Variants in SEPTIN11 observed in about 807,000 individuals in gnomAD.
SEPTIN11 encodes the protein septin-11.
A neutral mutation model predicts 51.4 loss-of-function variants in SEPTIN11; 25 were observed. The observed-to-expected ratio is 0.49, with a 90% CI of 0.35 to 0.68. The LOEUF (loss-of-function observed/expected upper bound fraction) is 0.68. Among genes scored for constraint, SEPTIN11 ranks in the 30% least tolerant of loss-of-function variants. SEPTIN11 has a pLI of 0.00. For synonymous variants in SEPTIN11, 174 were observed against 184.1 expected, an observed-to-expected ratio of 0.95 and a Z score of 0.44; for missense variants, 381 against 520.8, an observed-to-expected ratio of 0.73 and a Z score of 2.61.
chr4:77,004,807 A>G (rs1724365415), intron 2 of SEPTIN11, among the ~76,000 whole-genome samples: 2 of 152,170 alleles, frequency 1.3e-5, no homozygotes, highest in African/African-American at 2.4e-5. Flanking sequence ...TACTAAAAAT[A>G]CAAAAATTAG....
chr4:77,033,598 C>T (rs1017116508), intron 9 of SEPTIN11, among the ~76,000 whole-genome samples: 2 of 152,160 alleles, frequency 1.3e-5, no homozygotes, highest in Non-Finnish European at 2.9e-5. Flanking sequence ...TCTCTGGCCA[C>T]GAAGTCACTT....
At chr4:76,985,950 G>A (rs184091920) in intron 1 of SEPTIN11, among the ~76,000 whole-genome samples, 154 of 152,328 alleles carry the variant, frequency 1.0e-3, no homozygotes, top group Middle Eastern at 3.4e-3. Flanking sequence ...CCAGCTGGTA[G>A]TAGACTGGTT....
At chr4:77,023,387 CAT>C (rs1456312068) in intron 7 of SEPTIN11, among the ~76,000 whole-genome samples, 3 of 147,026 alleles carry the variant, frequency 2.0e-5, no homozygotes, top group Non-Finnish European at 4.5e-5. Flanking sequence ...AATATATACA[CAT>C]ATAATATATA....
At chr4:77,010,744 A>G (rs1161788763) in intron 3 of SEPTIN11, among the ~76,000 whole-genome samples, 1 of 152,198 alleles carries the variant, frequency 6.6e-6, no homozygotes, top group Non-Finnish European at 1.5e-5. Flanking sequence ...TAAAACTTGT[A>G]TCTTCGGAAA....
Position 76,973,040 on chromosome 4 carries a change from A to G in SEPTIN11, c.27+23110A>G, listed in dbSNP as rs984019336. The G allele has an allele frequency of 2.0e-5, 3 of 152,198 alleles. 1 individual carries two copies. Among genetic ancestry groups the G allele is most frequent in the East Asian group, 1.9e-4 (1 of 5,196 alleles). 9.4% of individuals were successfully genotyped at this position (152,198 alleles called of 1,614,324 possible). On this transcript the variant is annotated intron_variant, in intron 1 of 9. Coordinates refer to ENST00000264893, the MANE Select transcript of SEPTIN11 (RefSeq NM_018243.4). ...CAAATGTGATGTTACACATTTTTAA[A>G]AATAAAAAGTAGATGAGAAGAAACC...
At chr4:76,975,208 T>C (rs1346914735) in intron 1 of SEPTIN11, among the ~76,000 whole-genome samples, 3 of 151,638 alleles carry the variant, frequency 2.0e-5, no homozygotes, top group Non-Finnish European at 2.9e-5. Flanking sequence ...TCTTGGTGCC[T>C]CTCGTGTGTG....
At position 77,024,320 on chromosome 4, in the gene SEPTIN11, A is replaced by G. The variant is rs1025137816; in HGVS notation, c.953+3650A>G. On this transcript the variant is annotated intron_variant, in intron 7 of 9. Coordinates refer to ENST00000264893, the MANE Select transcript of SEPTIN11 (RefSeq NM_018243.4). This position sits in a 1 kb window ranked among gnomAD's most constrained non-coding sequence, Gnocchi z 4.2. ...ACCAGACATTCATCTGCTCTTTCCC[A>G]AGCCCATCTTTATCCGCCCCCTGTG... 1.3e-5 allele frequency among the ~76,000 whole-genome samples: 2 copies of G among 151,818 alleles called. No homozygotes were observed. The highest frequency in any genetic ancestry group is 2.1e-4 in the South Asian group (1 of 4,816).
At chr4:77,020,846 T>G in intron 7 of SEPTIN11, 176 bp downstream of exon 7, 4 of 609,620 alleles carry the variant, frequency 6.6e-6, no homozygotes, top group Non-Finnish European at 1.1e-5. Context: ...TTATCTCAAC[T>G]AACTTACCTA....
At position 76,997,453 on chromosome 4, in the gene SEPTIN11, G is replaced by C. The variant is rs767665004; in HGVS notation, c.142+914G>C. ...GCTTATTTGTCAGTTATGGAAGTTG[G>C]GGGGAGTGCAGATATTTTTCTTTTT... On this transcript the variant is annotated intron_variant, in intron 2 of 9. Transcript: ENST00000264893. 2.0e-4 allele frequency among the ~76,000 whole-genome samples: 30 copies of C among 152,308 alleles called. 1 individual carries two copies. Among genetic ancestry groups the C allele is most frequent in the Admixed American group, 3.9e-4 (6 of 15,288 alleles).
intron 2 of SEPTIN11, among the ~76,000 whole-genome samples, chr4:77,005,138 G>A (rs1054062102): frequency 1.3e-5 from 2 of 152,294 alleles, no homozygotes. Context: ...TCATATTGAT[G>A]TTGAATTAAC....
chr4:77,008,975 G>C (rs1369930422), intron 3 of SEPTIN11, among the ~76,000 whole-genome samples: 1 of 152,220 alleles, frequency 6.6e-6, no homozygotes, highest in East Asian at 1.9e-4. Flanking sequence ...GGAAGAGGCA[G>C]ATAATTCATC....
At chr4:76,963,249 C>G (rs1394838024) in intron 1 of SEPTIN11, among the ~76,000 whole-genome samples, 1 of 152,230 alleles carries the variant, frequency 6.6e-6, no homozygotes, top group African/African-American at 2.4e-5. Flanking sequence ...GGCTTTGCCA[C>G]TAAACCCGTT....
rs1433335292 is a variant in SEPTIN11 at position 76,996,635 on chromosome 4, G to C, written c.142+96G>C. The C allele has an allele frequency of 1.0e-5, 9 of 879,714 alleles. No individual in the cohort carries two copies. The Admixed American group carries it at 2.0e-4, about 19-fold the overall frequency. 54.5% of individuals were successfully genotyped at this position (879,714 alleles called of 1,614,324 possible). A position where few individuals can be genotyped will look rare whatever the true frequency, so the allele number is the denominator to read the frequency against. ...TGCTTCAGTGAAATAAGAATGACAT[G>C]TTTATTCTCTTTCTTTCATCAGTAA... On this transcript the variant is annotated intron_variant, in intron 2 of 9. Transcript: ENST00000264893.
chr4:76,997,657 C>G (rs1330561067), intron 2 of SEPTIN11, among the ~76,000 whole-genome samples: 1 of 152,154 alleles, frequency 6.6e-6, no homozygotes. Context: ...CTCATGCTTT[C>G]CCCTTTTCCC....
At chr4:76,996,186 A>T (rs1723703429) in intron 1 of SEPTIN11, among the ~76,000 whole-genome samples, 2 of 152,174 alleles carry the variant, frequency 1.3e-5, no homozygotes, top group South Asian at 4.1e-4. Flanking sequence ...GTACACTTGT[A>T]ACAAGGAATG....
At chr4:77,023,953 T>G (rs1438453989) in intron 7 of SEPTIN11, among the ~76,000 whole-genome samples, 2 of 152,184 alleles carry the variant, frequency 1.3e-5, no homozygotes, top group Non-Finnish European at 2.9e-5. Flanking sequence ...TTTTATTATA[T>G]TCTCAAAGCA....
At chr4:77,017,644 T>G (rs1725392787) in intron 5 of SEPTIN11, among the ~76,000 whole-genome samples, 1 of 152,236 alleles carries the variant, frequency 6.6e-6, no homozygotes, top group South Asian at 2.1e-4. Context: ...AGCCAATGAT[T>G]ATGCCAAGTT....
intron 6 of SEPTIN11, among the ~76,000 whole-genome samples, chr4:77,019,614 G>C (rs933760795): frequency 6.6e-6 from 1 of 152,222 alleles, no homozygotes; most frequent in East Asian, 1.9e-4. Context: ...TTGCAAACAA[G>C]AGGGTACTTT....
At chr4:77,005,412 T>C (rs752393009) in intron 2 of SEPTIN11, among the ~76,000 whole-genome samples, 189 bp from the exon 3 acceptor site, 5 of 152,242 alleles carry the variant, frequency 3.3e-5, no homozygotes, top group Non-Finnish European at 4.4e-5. Context: ...CTGAAATTCA[T>C]TGAGGCATTT....
Sources: gnomAD v4.1 joint callset for allele counts (sites outside exome capture counted in the v4.1 genomes callset) on GRCh38, gnomAD v4.1.1 for gene constraint, Gnocchi (gnomAD v3.1) non-coding constraint, MANE v1.5 for transcripts, NCBI Gene and HGNC (gene_info 2026-07-23, HGNC 2026-07-21) for gene names.